ADAMTS18: variants seen among roughly 807,000 people sequenced by gnomAD.
ADAMTS18 encodes ADAM metallopeptidase with thrombospondin type 1 motif 18.
ADAMTS18 carries 157 observed loss-of-function variants against 165.9 expected under a neutral mutation model. The observed-to-expected ratio is 0.95, with a 90% CI of 0.83 to 1.08. The LOEUF (loss-of-function observed/expected upper bound fraction) is 1.08, where lower values mean the gene tolerates loss of function less well. Among genes scored for constraint, ADAMTS18 ranks in the 50% least tolerant of loss-of-function variants. The pLI, the probability that ADAMTS18 is intolerant of heterozygous loss-of-function variation, is 0.00. For missense variants in ADAMTS18, 2,040 were observed against 1,534.0 expected, an observed-to-expected ratio of 1.33 and a Z score of -5.51; for synonymous variants, 782 against 578.2, an observed-to-expected ratio of 1.35 and a Z score of -5.06.
In ADAMTS18 at chr16:77,327,561, C is replaced by T. The variant is rs557277601; in HGVS notation, c.1860-1523G>A. ...TATAGACCATGGACTACTACCCAGC[C>T]GTAAAAAAGTAATGAAATAATGGCA... On this transcript the variant is annotated intron_variant, in intron 12 of 22. Transcript: ENST00000282849. Among the ~76,000 whole-genome samples, 3 of 152,156 alleles carry T rather than the reference C, an allele frequency of 2.0e-5. No individual in the cohort carries two copies. The South Asian group carries it at 6.2e-4, about 32-fold the overall frequency.
chr16:77,409,498 C>CA (rs2057433868), intron 3 of ADAMTS18, among the ~76,000 whole-genome samples: 1 of 152,130 alleles, frequency 6.6e-6, no homozygotes, highest in Admixed American at 6.5e-5. Context: ...AATAGTATCA[C>CA]AGACATTCTG....
chr16:77,353,667 C>G (rs2056587004), intron 10 of ADAMTS18, 66 bp downstream of exon 10: 8 of 1,609,506 alleles, frequency 5.0e-6, no homozygotes, highest in African/African-American at 2.7e-5. Context: ...AATGTTTACA[C>G]TTCTGTTAGG....
chr16:77,363,932 C>T (rs2056753617), intron 5 of ADAMTS18, 47 bp from the exon 6 acceptor site: 5 of 1,567,788 alleles, frequency 3.2e-6, no homozygotes, highest in African/African-American at 1.4e-5. Context: ...TTTTCAAAAC[C>T]TTAGGGGGAA....
At chr16:77,298,757 A>C (rs1373146593) in intron 17 of ADAMTS18, among the ~76,000 whole-genome samples, 3 of 152,254 alleles carry the variant, frequency 2.0e-5, no homozygotes, top group Non-Finnish European at 4.4e-5. Flanking sequence ...GTGCTACTGC[A>C]TTCCAGCCTG....
intron 10 of ADAMTS18, among the ~76,000 whole-genome samples, chr16:77,345,984 T>C (rs564912400): frequency 6.6e-6 from 1 of 152,330 alleles, no homozygotes; most frequent in African/African-American, 2.4e-5. Flanking sequence ...AGTTTAGGTC[T>C]TGCTCACTCT....
At chr16:77,365,236 T>C (rs1224103826) in intron 4 of ADAMTS18, among the ~76,000 whole-genome samples, 1 of 152,110 alleles carries the variant, frequency 6.6e-6, no homozygotes, top group Non-Finnish European at 1.5e-5. Context: ...AAAATCAATT[T>C]TGTGGGGAGA....
intron 10 of ADAMTS18, among the ~76,000 whole-genome samples, chr16:77,350,212 C>G (rs564183434): frequency 6.6e-6 from 1 of 152,102 alleles, no homozygotes; most frequent in African/African-American, 2.4e-5. Context: ...TAGAAAGATT[C>G]GTAACTCATT....
chr16:77,420,091 T>C (rs1174443914), intron 3 of ADAMTS18, among the ~76,000 whole-genome samples: 1 of 150,718 alleles, frequency 6.6e-6, no homozygotes, highest in East Asian at 1.9e-4. Flanking sequence ...AGCCTTTTTT[T>C]CTTCCATCTC....
chr16:77,412,749 T>C (rs2057481217), intron 3 of ADAMTS18, among the ~76,000 whole-genome samples: 1 of 152,178 alleles, frequency 6.6e-6, no homozygotes, highest in Non-Finnish European at 1.5e-5. Context: ...ACTTATTCAC[T>C]ACCACAAGAA....
At chr16:77,297,735 A>G (rs2055501481) in intron 17 of ADAMTS18, among the ~76,000 whole-genome samples, 1 of 152,092 alleles carries the variant, frequency 6.6e-6, no homozygotes, top group Non-Finnish European at 1.5e-5. Flanking sequence ...ATCCCAGGCA[A>G]ACTTTATTAT....
At chr16:77,315,068 T>A (rs1387093425) in intron 16 of ADAMTS18, among the ~76,000 whole-genome samples, 1 of 151,986 alleles carries the variant, frequency 6.6e-6, no homozygotes, top group African/African-American at 2.4e-5. Context: ...AACTGTCTGC[T>A]ACTGTTCTTC....
intron 10 of ADAMTS18, among the ~76,000 whole-genome samples, chr16:77,349,523 G>GAAAA (rs2056524625): frequency 2.5e-5 from 1 of 39,420 alleles, no homozygotes; most frequent in African/African-American, 1.4e-4. Flanking sequence ...GTCATCTTAT[G>GAAAA]TAAAAAAAAA....
intron 3 of ADAMTS18, among the ~76,000 whole-genome samples, chr16:77,397,489 G>C (rs1277118827): frequency 1.3e-5 from 2 of 152,178 alleles, no homozygotes; most frequent in East Asian, 3.9e-4. Flanking sequence ...TCTTCTTTTT[G>C]ACAAGTTTAA....
chr16:77,354,843 C>T (rs1294179522), intron 9 of ADAMTS18, among the ~76,000 whole-genome samples: 1 of 152,130 alleles, frequency 6.6e-6, no homozygotes, highest in Non-Finnish European at 1.5e-5. Flanking sequence ...TTAAGTTGAT[C>T]TTGATTTTAA....
intron 19 of ADAMTS18, among the ~76,000 whole-genome samples, chr16:77,294,047 A>G (rs2055419117): frequency 7.0e-6 from 1 of 141,914 alleles, no homozygotes; most frequent in African/African-American, 2.4e-5. Context: ...AGCACCCTCC[A>G]GCATGTAATA....
At chr16:77,328,119 C>T (rs891132) in intron 12 of ADAMTS18, among the ~76,000 whole-genome samples, 12 of 151,742 alleles carry the variant, frequency 7.9e-5, no homozygotes, top group African/African-American at 2.9e-4. Flanking sequence ...TAAATAATGA[C>T]GATGTAAAGG....
intron 12 of ADAMTS18, among the ~76,000 whole-genome samples, chr16:77,334,468 G>GGA (rs2056255729): frequency 1.8e-5 from 2 of 108,634 alleles, no homozygotes; most frequent in African/African-American, 7.7e-5. Flanking sequence ...TATATATACT[G>GGA]TATATTATAG....
intron 3 of ADAMTS18, among the ~76,000 whole-genome samples, chr16:77,368,810 G>T (rs779773087): frequency 6.6e-6 from 1 of 152,172 alleles, no homozygotes. Context: ...GGGGTCTAGA[G>T]AATCTGATGA....
chr16:77,355,202 T>TTGTGTGTGTGTGTGTGTGTGTG (rs141620918), intron 9 of ADAMTS18, among the ~76,000 whole-genome samples: 3 of 146,598 alleles, frequency 2.0e-5, no homozygotes, highest in East Asian at 2.0e-4. Context: ...AAAGGTAGGA[T>TTGTGTGTGTGTGTGTGTGTGTG]TGTGTGTGTG....
Sources: allele counts gnomAD v4.1 joint callset (sites outside exome capture counted in the v4.1 genomes callset), GRCh38; gene constraint gnomAD v4.1.1; transcripts MANE v1.5; gene names NCBI Gene and HGNC (gene_info 2026-07-23, HGNC 2026-07-21).